ACCSL: variants seen among roughly 807,000 people sequenced by gnomAD.
ACCSL encodes the protein 1-aminocyclopropane-1-carboxylate synthase homolog (inactive) like, also known as probable inactive 1-aminocyclopropane-1-carboxylate synthase-like protein 2.
ACCSL carries 55 observed loss-of-function variants against 61.7 expected under a neutral mutation model. The ratio of observed to expected loss-of-function variants is 0.89; its 90% confidence interval spans 0.72 to 1.12. The LOEUF is 1.12. Among genes scored for constraint, ACCSL ranks in the 50% most tolerant of loss-of-function variants. The pLI is 0.00. For missense variants in ACCSL, 632 were observed against 698.0 expected (o/e 0.91, Z 1.07); for synonymous variants, 258 against 264.3 (o/e 0.98, Z 0.23).
the ACCSL span, among the ~76,000 whole-genome samples, chr11:44,023,041 C>CTTTTTTTTTTTTTTTTT: frequency 6.9e-5 from 6 of 86,420 alleles, no homozygotes; most frequent in African/African-American, 9.5e-5. Flanking sequence ...TCTTCTTCTT[C>CTTTTTTTTTTTTTTTTT]TTTTTTTTTT....
At chr11:44,034,008 G>T in the ACCSL span, among the ~76,000 whole-genome samples, 12 of 152,248 alleles carry the variant, frequency 7.9e-5, no homozygotes, top group African/African-American at 2.6e-4. Flanking sequence ...GAAAGGAACT[G>T]GAGGGAGAGG....
the ACCSL span, among the ~76,000 whole-genome samples, chr11:43,936,769 C>T: frequency 2.6e-5 from 4 of 151,932 alleles, no homozygotes; most frequent in African/African-American, 7.2e-5. Flanking sequence ...GTGGTCCTGG[C>T]CCTAGGGACA....
chr11:43,937,884 CG>C, the ACCSL span, among the ~76,000 whole-genome samples: 1 of 152,196 alleles, frequency 6.6e-6, no homozygotes, highest in East Asian at 1.9e-4. Context: ...CTCAGCTCCA[CG>C]TGGTCATTTA....
chr11:43,944,805 A>G, the ACCSL span: 1 of 152,384 alleles, frequency 6.6e-6, no homozygotes, highest in Non-Finnish European at 1.5e-5. Flanking sequence ...AACAAACTAC[A>G]TTTGGTTGAG....
At chr11:44,027,895 C>G in the ACCSL span, among the ~76,000 whole-genome samples, 6 of 152,100 alleles carry the variant, frequency 3.9e-5, no homozygotes, top group African/African-American at 1.4e-4. Flanking sequence ...CTGGGTGTGG[C>G]GGCTCATGCC....
At position 44,051,678 on chromosome 11, in the gene ACCSL, C is replaced by T. The variant is rs753910761; in HGVS notation, c.731C>T (p.Ser244Phe). ...GTGGTGGTTCTAAATGGCTGCTGCT[C>T]TGTCTTCTGTGCCCTGGCCATGGTT... ...ENVVVLNGCC[S>F]VFCALAMVLC... is the part of the protein sequence containing the mutation. Residue 244 changes from serine (S) to phenylalanine (F), a missense_variant, in exon 5 of 14, where the codon TCT becomes TTT. Coordinates refer to ENST00000378832, the MANE Select transcript of ACCSL (RefSeq NM_001031854.2). 3 of 1,614,216 alleles carry T rather than the reference C, an allele frequency of 1.9e-6. No individual in the cohort carries two copies. The highest frequency in any genetic ancestry group is 2.5e-6 in the Non-Finnish European group (3 of 1,180,052).
the ACCSL span, among the ~76,000 whole-genome samples, chr11:44,038,508 T>C: frequency 6.6e-6 from 1 of 152,082 alleles, no homozygotes; most frequent in Non-Finnish European, 1.5e-5. Context: ...TGACAGGGCT[T>C]TCCAGTGGAG....
chr11:43,965,533 G>C, the ACCSL span, among the ~76,000 whole-genome samples: 1 of 152,042 alleles, frequency 6.6e-6, no homozygotes, highest in Admixed American at 6.5e-5. Context: ...TCCTCAAATT[G>C]ATCTATAGAT....
chr11:43,943,430 T>G, the ACCSL span: 1 of 1,444,412 alleles, frequency 6.9e-7, no homozygotes, highest in Non-Finnish European at 9.2e-7. The surrounding 1 kb of genome is among the most constrained non-coding windows in gnomAD (Gnocchi z 4.8). Context: ...TGCGAACCGG[T>G]CGGTGCGCCC....
chr11:44,024,441 CTGTGTGTGTGTGTG>C, the ACCSL span, among the ~76,000 whole-genome samples: 98 of 132,088 alleles, frequency 7.4e-4, no homozygotes, highest in African/African-American at 1.5e-3. Flanking sequence ...CTCTCTCTCT[CTGTGTGTGTGTGTG>C]TGTGTGTGTG....
chr11:43,953,147 G>A, the ACCSL span, among the ~76,000 whole-genome samples: 1 of 152,194 alleles, frequency 6.6e-6, no homozygotes, highest in Non-Finnish European at 1.5e-5. Context: ...TGCATTCCCA[G>A]GAGATCAGGC....
the ACCSL span, among the ~76,000 whole-genome samples, chr11:43,928,034 G>A: frequency 6.6e-6 from 1 of 152,236 alleles, no homozygotes; most frequent in African/African-American, 2.4e-5. Context: ...AGAATATGAG[G>A]TGGTGGCCAG....
At chr11:44,023,015 A>C in the ACCSL span, among the ~76,000 whole-genome samples, 1 of 137,836 alleles carries the variant, frequency 7.3e-6, no homozygotes, top group Admixed American at 7.1e-5. Flanking sequence ...TTATAGGTCC[A>C]TTCAGATTTT....
chr11:43,926,823 C>T, the ACCSL span, among the ~76,000 whole-genome samples: 2 of 152,192 alleles, frequency 1.3e-5, no homozygotes, highest in Non-Finnish European at 2.9e-5. Context: ...AATCATGGCT[C>T]ACTGCAGCCT....
At chr11:44,025,224 A>C in the ACCSL span, among the ~76,000 whole-genome samples, 2 of 152,096 alleles carry the variant, frequency 1.3e-5, no homozygotes, top group Non-Finnish European at 2.9e-5. Flanking sequence ...TAAATGTCCT[A>C]TGTCTTTTTC....
At chr11:44,014,268 G>A in the ACCSL span, among the ~76,000 whole-genome samples, 1 of 152,162 alleles carries the variant, frequency 6.6e-6, no homozygotes, top group South Asian at 2.1e-4. Flanking sequence ...TTCACAGGAG[G>A]CCCCTTGAGG....
At chr11:43,965,888 G>C in the ACCSL span, among the ~76,000 whole-genome samples, 17 of 152,144 alleles carry the variant, frequency 1.1e-4, no homozygotes, top group Admixed American at 1.1e-3. Context: ...TGTGACAGCT[G>C]TATATCCACA....
chr11:43,935,368 A>AT, the ACCSL span, among the ~76,000 whole-genome samples: 4 of 152,160 alleles, frequency 2.6e-5, no homozygotes, highest in Non-Finnish European at 4.4e-5. Context: ...TGCTGTTCTC[A>AT]TTGCACCAGA....
At chr11:44,032,633 G>C in the ACCSL span, among the ~76,000 whole-genome samples, 1 of 152,190 alleles carries the variant, frequency 6.6e-6, no homozygotes. Flanking sequence ...AAACATAGCA[G>C]AGTGGACTGG....
Sources: allele counts gnomAD v4.1 joint callset (sites outside exome capture counted in the v4.1 genomes callset), GRCh38; gene constraint gnomAD v4.1.1; non-coding constraint Gnocchi (gnomAD v3.1); transcripts MANE v1.5; gene names NCBI Gene and HGNC (gene_info 2026-07-23, HGNC 2026-07-21).